Variants in ZNF608 observed in about 807,000 individuals in gnomAD.
ZNF608 encodes zinc finger protein 608, also known as renal carcinoma antigen NY-REN-36.
ZNF608 carries 12 observed loss-of-function variants against 109.0 expected under a neutral mutation model. That is an observed-to-expected ratio of 0.11 (90% CI 0.07 to 0.18). The LOEUF (loss-of-function observed/expected upper bound fraction) is 0.18, where lower values mean the gene tolerates loss of function less well. Ranked by LOEUF, ZNF608 falls within the 10% of genes least tolerant of loss-of-function variation. The probability of loss-of-function intolerance (pLI) is 1.00; values close to 1 mark genes in which losing one functional copy is unlikely to be tolerated. For synonymous variants in ZNF608, 732 were observed against 717.4 expected (o/e 1.02, Z -0.33); for missense variants, 1,707 against 1,879.3 (o/e 0.91, Z 1.70).
At chr5:124,677,604 G>T (rs990724663) in intron 3 of ZNF608, among the ~76,000 whole-genome samples, 1 of 152,138 alleles carries the variant, frequency 6.6e-6, no homozygotes, top group Non-Finnish European at 1.5e-5. Context: ...TAGAACAGTG[G>T]CAGGCAGCCA....
Position 124,744,119 on chromosome 5 carries a change from T to TCTGCTC in ZNF608, c.870_871insGAGCAG (p.Glu290_Ser291insGluGln). ...TTCAGTTTCTTGATTCGCCTGTGGCTCTCCTCCTCCTCCTCTTCCTTCTTT... is the reference window on the plus strand; with the variant it reads ...TTCAGTTTCTTGATTCGCCTGTGGCTCTGCTCCTCCTCCTCCTCCTCTTCCTTCTTT... On this transcript the variant is annotated inframe_insertion, in exon 2 of 10. Transcript: ENST00000513986. This position sits in a 1 kb window ranked among gnomAD's most constrained non-coding sequence, Gnocchi z 4.5. 6.2e-7 allele frequency: 1 copy of TCTGCTC among 1,602,598 alleles called. No homozygotes were observed. Among genetic ancestry groups the TCTGCTC allele is most frequent in the Non-Finnish European group, 8.5e-7 (1 of 1,174,548 alleles).
intron 3 of ZNF608, among the ~76,000 whole-genome samples, chr5:124,684,754 G>A (rs1752334610): frequency 6.6e-6 from 1 of 152,050 alleles, no homozygotes; most frequent in African/African-American, 2.4e-5. Flanking sequence ...TTTAAAACCA[G>A]TACACTATAG....
At chr5:124,697,476 T>A (rs553947971) in intron 3 of ZNF608, among the ~76,000 whole-genome samples, 1 of 152,300 alleles carries the variant, frequency 6.6e-6, no homozygotes, top group South Asian at 2.1e-4. Flanking sequence ...CATCTGTGAG[T>A]AATTTTGTAC....
At chr5:124,663,026 A>G (rs1250754254) in intron 3 of ZNF608, among the ~76,000 whole-genome samples, 1 of 152,202 alleles carries the variant, frequency 6.6e-6, no homozygotes, top group Non-Finnish European at 1.5e-5. Flanking sequence ...TGCCTGATGG[A>G]AGAATGAGGT....
intron 2 of ZNF608, among the ~76,000 whole-genome samples, chr5:124,712,797 C>T (rs1181021475): frequency 2.0e-5 from 3 of 152,166 alleles, no homozygotes; most frequent in Non-Finnish European, 2.9e-5. Context: ...CCACTGGCAG[C>T]CTCACAGTGT....
chr5:124,739,303 A>T (rs182753972), intron 2 of ZNF608, among the ~76,000 whole-genome samples: 55 of 152,298 alleles, frequency 3.6e-4, no homozygotes, highest in African/African-American at 1.3e-3. Flanking sequence ...AAAGTCAAGG[A>T]CTCAAAAGTT....
In ZNF608 at chr5:124,701,186, G is replaced by A; in HGVS notation, c.990C>T (p.Ser330=). The A allele has an allele frequency of 6.2e-7, 1 of 1,614,112 alleles. No homozygotes were observed. Among genetic ancestry groups the A allele is most frequent in the Non-Finnish European group, 8.5e-7 (1 of 1,180,022 alleles). Residue 330 remains serine, a synonymous_variant, in exon 3 of 10, where the codon TCC becomes TCT. Coordinates refer to ENST00000513986, the MANE Select transcript of ZNF608 (RefSeq NM_020747.3). ...LTPQILPSYF[S]PSSSNIAAPV... ...GTGCTGCAATATTGGATGAAGATGG[G>A]GAAAAGTAGGAGGGTAGAATCTGAG...
At chr5:124,677,979 C>CA (rs1246648813) in intron 3 of ZNF608, among the ~76,000 whole-genome samples, 9 of 152,050 alleles carry the variant, frequency 5.9e-5, no homozygotes, top group African/African-American at 2.2e-4. Flanking sequence ...TTATTAGCCC[C>CA]AATATATGGT....
intron 3 of ZNF608, among the ~76,000 whole-genome samples, chr5:124,684,382 C>T (rs539116914): frequency 3.3e-4 from 51 of 152,292 alleles, no homozygotes; most frequent in African/African-American, 1.2e-3. Context: ...GCCAAGAAAA[C>T]ACAGCCAGAG....
chr5:124,738,546 G>A (rs920615871), intron 2 of ZNF608, among the ~76,000 whole-genome samples: 3 of 152,178 alleles, frequency 2.0e-5, no homozygotes, highest in African/African-American at 7.2e-5. Flanking sequence ...TACACCTCTA[G>A]AGTGTGTTCA....
intron 3 of ZNF608, among the ~76,000 whole-genome samples, chr5:124,689,103 T>C (rs989021677): frequency 5.3e-5 from 8 of 152,160 alleles, no homozygotes; most frequent in Admixed American, 5.2e-4. Flanking sequence ...AAGATGTATA[T>C]GAGAAAAGCT....
chr5:124,747,625 C>T (rs1445764164), upstream of ZNF608, among the ~76,000 whole-genome samples: 1 of 151,398 alleles, frequency 6.6e-6, no homozygotes, highest in East Asian at 1.9e-4. Context: ...CACACTCCCC[C>T]AACCTCCTCC....
chr5:124,735,203 T>A (rs1040650385), intron 2 of ZNF608: 2 of 152,248 alleles, frequency 1.3e-5, no homozygotes, highest in African/African-American at 4.8e-5. Context: ...TTCAGTCACA[T>A]TTTGCAACTA....
chr5:124,687,956 C>A (rs982692052), intron 3 of ZNF608, among the ~76,000 whole-genome samples: 13 of 152,308 alleles, frequency 8.5e-5, no homozygotes, highest in African/African-American at 2.9e-4. Context: ...CTGCACACTG[C>A]ATGCATCAAG....
At chr5:124,644,710 A>G (rs1750420594) in intron 5 of ZNF608, 49 bp from the exon 6 acceptor site, 1 of 1,486,502 alleles carries the variant, frequency 6.7e-7, no homozygotes. Flanking sequence ...TTGTTTTAAA[A>G]TTTCAATTTT....
Position 124,726,823 on chromosome 5 carries a change from G to A in ZNF608, c.906+17261C>T, listed in dbSNP as rs561429222. 1.4e-3 allele frequency among the ~76,000 whole-genome samples: 214 copies of A among 152,248 alleles called. 4 individuals carry two copies. The highest frequency in any genetic ancestry group is 3.4e-3 in the Middle Eastern group (1 of 294). ...AGTCCAATCTGGACATGGGCTGTGC[G>A]CCCAACACATATGTGTTACCTGAGT... On this transcript the variant is annotated intron_variant, in intron 2 of 9. Coordinates refer to ENST00000513986, the MANE Select transcript of ZNF608 (RefSeq NM_020747.3).
chr5:124,673,336 G>T (rs1751808829), intron 3 of ZNF608, among the ~76,000 whole-genome samples: 1 of 152,190 alleles, frequency 6.6e-6, no homozygotes. Context: ...CAGATACGTA[G>T]ATATCTCTCC....
intron 5 of ZNF608, among the ~76,000 whole-genome samples, chr5:124,646,300 G>A (rs1405315474): frequency 6.6e-6 from 1 of 152,202 alleles, no homozygotes. Context: ...GGAGGTTGCA[G>A]AGAGCCAAGA....
chr5:124,691,770 G>A (rs965654671), intron 3 of ZNF608, among the ~76,000 whole-genome samples: 3 of 152,188 alleles, frequency 2.0e-5, no homozygotes, highest in Non-Finnish European at 4.4e-5. Context: ...GTTGGCCAAG[G>A]CAGAAGCAGA....
Sources: allele counts gnomAD v4.1 joint callset (sites outside exome capture counted in the v4.1 genomes callset), GRCh38; gene constraint gnomAD v4.1.1; non-coding constraint Gnocchi (gnomAD v3.1); transcripts MANE v1.5; gene names NCBI Gene and HGNC (gene_info 2026-07-23, HGNC 2026-07-21).